AKT3: variants seen among roughly 807,000 people sequenced by gnomAD.
The protein encoded by AKT3 is RAC-gamma serine/threonine-protein kinase.
Under a neutral mutation model 65.3 loss-of-function variants are expected in AKT3, and 15 were observed. The ratio of observed to expected loss-of-function variants is 0.23; its 90% CI spans 0.15 to 0.35. The LOEUF (loss-of-function observed/expected upper bound fraction) is 0.35, where lower values mean the gene tolerates loss of function less well. Ranked by LOEUF, AKT3 falls within the 10% of genes least tolerant of loss-of-function variation. The probability of loss-of-function intolerance (pLI) is 1.00; values close to 1 mark genes in which losing one functional copy is unlikely to be tolerated. For synonymous variants in AKT3, 206 were observed against 183.8 expected, an observed-to-expected ratio of 1.12 and a Z score of -0.98; for missense variants, 243 against 576.5, an observed-to-expected ratio of 0.42 and a Z score of 5.92.
intron 2 of AKT3, among the ~76,000 whole-genome samples, chr1:243,699,990 A>G (rs1393865610): frequency 6.6e-6 from 1 of 152,196 alleles, no homozygotes; most frequent in Non-Finnish European, 1.5e-5. Flanking sequence ...GAGCCTTCTC[A>G]GTGAGTGTGA....
intron 11 of AKT3, chr1:243,546,872 A>C (rs2148452298): frequency 6.6e-6 from 1 of 152,346 alleles, no homozygotes; most frequent in East Asian, 1.9e-4. Flanking sequence ...ACTTACGATT[A>C]GTTCCAACAT....
intron 8 of AKT3, among the ~76,000 whole-genome samples, chr1:243,583,986 C>A (rs147137567): frequency 1.3e-5 from 2 of 151,632 alleles, no homozygotes; most frequent in Non-Finnish European, 2.9e-5. Flanking sequence ...CAGAATGGAA[C>A]GAAATTAAGA....
intron 10 of AKT3, among the ~76,000 whole-genome samples, chr1:243,558,702 C>T (rs1673574122): frequency 6.6e-6 from 1 of 151,934 alleles, no homozygotes; most frequent in African/African-American, 2.4e-5. Flanking sequence ...TACAGAAGTG[C>T]ATTTCTCTAG....
intron 13 of AKT3, among the ~76,000 whole-genome samples, chr1:243,494,572 G>A (rs965449606): frequency 3.3e-5 from 5 of 152,090 alleles, no homozygotes; most frequent in Admixed American, 6.5e-5. Flanking sequence ...TTGACTGAGC[G>A]CCCCGTGTAT....
intron 2 of AKT3, among the ~76,000 whole-genome samples, chr1:243,756,040 G>A (rs978763304): frequency 3.3e-5 from 5 of 152,184 alleles, no homozygotes; most frequent in Non-Finnish European, 4.4e-5. Flanking sequence ...GTCATATATT[G>A]TAGATAACTG....
At chr1:243,604,414 T>C (rs1677241168) in intron 8 of AKT3, among the ~76,000 whole-genome samples, 3 of 152,180 alleles carry the variant, frequency 2.0e-5, no homozygotes, top group African/African-American at 7.2e-5. Context: ...TCTGACTACC[T>C]GTGCAGACTC....
At chr1:243,734,159 TC>T (rs1396216508) in intron 2 of AKT3, among the ~76,000 whole-genome samples, 1 of 152,156 alleles carries the variant, frequency 6.6e-6, no homozygotes, top group Non-Finnish European at 1.5e-5. Flanking sequence ...CACTGGCACT[TC>T]CAGTAAGTAA....
chr1:243,845,509 GGGAGGATCACCTGAGCCCA>G (rs1695477008), intron 1 of AKT3, among the ~76,000 whole-genome samples: 1 of 61,920 alleles, frequency 1.6e-5, no homozygotes, highest in African/African-American at 6.0e-5. Context: ...AGGCTGAGGT[GGGAGGATCACCTGAGCCCA>G]GGAAGTCTAG....
At chr1:243,521,573 AC>A in intron 12 of AKT3, among the ~76,000 whole-genome samples, 1 of 152,338 alleles carries the variant, frequency 6.6e-6, no homozygotes, top group Middle Eastern at 3.4e-3. Flanking sequence ...AAAACTAGAA[AC>A]TAAAATAATT....
intron 2 of AKT3, among the ~76,000 whole-genome samples, chr1:243,698,372 T>G (rs1364628624): frequency 6.6e-6 from 1 of 152,056 alleles, no homozygotes; most frequent in Non-Finnish European, 1.5e-5. Context: ...CCATTTCTTC[T>G]TCTTTTAAAA....
chr1:243,685,678 C>G (rs1188605190), intron 3 of AKT3, among the ~76,000 whole-genome samples: 3 of 151,940 alleles, frequency 2.0e-5, no homozygotes, highest in Non-Finnish European at 4.4e-5. Flanking sequence ...TCTTGGCATT[C>G]CCTTTGAAAA....
At chr1:243,694,744 AT>A (rs1378537468) in intron 3 of AKT3, among the ~76,000 whole-genome samples, 2 of 152,000 alleles carry the variant, frequency 1.3e-5, no homozygotes, top group African/African-American at 2.4e-5. Flanking sequence ...ATTTTCTTGA[AT>A]TTTTTGTTAT....
intron 2 of AKT3, among the ~76,000 whole-genome samples, chr1:243,712,280 C>G (rs750416310): frequency 6.6e-6 from 1 of 152,184 alleles, no homozygotes; most frequent in Non-Finnish European, 1.5e-5. Flanking sequence ...GGATTAGAGT[C>G]ACTTGAGTAA....
chr1:243,777,029 A>C (rs1344925224), intron 2 of AKT3, among the ~76,000 whole-genome samples: 1 of 152,214 alleles, frequency 6.6e-6, no homozygotes, highest in African/African-American at 2.4e-5. Context: ...AAAGTAAAAC[A>C]AGGGTTTCCA....
intron 3 of AKT3, among the ~76,000 whole-genome samples, chr1:243,667,739 T>C (rs1682895896): frequency 6.6e-6 from 1 of 152,174 alleles, no homozygotes; most frequent in Non-Finnish European, 1.5e-5. Flanking sequence ...GTAAGGCCTT[T>C]AAGTGATCAG....
chr1:243,597,159 T>C (rs908073828), intron 8 of AKT3, among the ~76,000 whole-genome samples: 2 of 152,180 alleles, frequency 1.3e-5, no homozygotes, highest in African/African-American at 4.8e-5. Flanking sequence ...TATATATGTT[T>C]GTCAGAAGTC....
At chr1:243,641,275 C>CATATATATATAT (rs1558675696) in intron 5 of AKT3, among the ~76,000 whole-genome samples, 1 of 86,860 alleles carries the variant, frequency 1.2e-5, no homozygotes, top group African/African-American at 4.0e-5. Flanking sequence ...TATATATATA[C>CATATATATATAT]ACACACACAC....
intron 11 of AKT3, among the ~76,000 whole-genome samples, chr1:243,547,493 G>A (rs547439366): frequency 2.4e-4 from 36 of 152,144 alleles, no homozygotes; most frequent in Non-Finnish European, 4.1e-4. Flanking sequence ...AACCAAATAC[G>A]TCATAGAAAA....
rs1201454177 is a variant in AKT3 at position 243,489,134 on chromosome 1, G to C, written c.*7-684C>G. Reference sequence around the variant, plus strand: ...TGTCGGAAGAGGTGGACCGGCTGCGGACCCAGGTACTGTGCAGAACGCGGC... The same window carrying C: ...TGTCGGAAGAGGTGGACCGGCTGCGCACCCAGGTACTGTGCAGAACGCGGC... On this transcript the variant is annotated intron_variant, in intron 13 of 13. Transcript: ENST00000336199. 1.2e-6 allele frequency: 2 copies of C among 1,612,364 alleles called. No homozygotes were observed. The highest frequency in any genetic ancestry group is 1.7e-6 in the Non-Finnish European group (2 of 1,179,898).
Sources: gnomAD v4.1 joint callset for allele counts (sites outside exome capture counted in the v4.1 genomes callset) on GRCh38, gnomAD v4.1.1 for gene constraint, MANE v1.5 for transcripts, NCBI Gene and HGNC (gene_info 2026-07-23, HGNC 2026-07-21) for gene names.